Variants in KIRREL3 observed in about 807,000 individuals in gnomAD.
KIRREL3 encodes the protein kirre like nephrin family adhesion molecule 3.
Under a neutral mutation model 89.7 loss-of-function variants are expected in KIRREL3, and 36 were observed. That is an observed-to-expected ratio of 0.40 (90% confidence interval 0.31 to 0.53). The LOEUF (loss-of-function observed/expected upper bound fraction) is 0.53, where lower values mean the gene tolerates loss of function less well. KIRREL3 is among the 20% of genes least tolerant of loss of function. KIRREL3 has a pLI of 0.49. For synonymous variants in KIRREL3, 445 were observed against 441.4 expected (o/e 1.01, Z -0.10); for missense variants, 864 against 1,056.6 (o/e 0.82, Z 2.53).
intron 1 of KIRREL3, among the ~76,000 whole-genome samples, chr11:126,619,471 G>T (rs1943490803): frequency 6.6e-6 from 1 of 152,188 alleles, no homozygotes; most frequent in Admixed American, 6.5e-5. Context: ...GACATAATCT[G>T]ATTCACATTT....
chr11:126,794,143 A>T (rs1950731208), intron 1 of KIRREL3, among the ~76,000 whole-genome samples: 2 of 152,268 alleles, frequency 1.3e-5, no homozygotes, highest in South Asian at 4.1e-4. Flanking sequence ...AAGGAAGTCC[A>T]ACAGAATTCA....
rs912802013 is a variant in KIRREL3 at position 126,508,380 on chromosome 11, G to A, written c.433+12935C>T. On this transcript the variant is annotated intron_variant, in intron 4 of 16. Transcript: ENST00000525144. This position sits in a 1 kb window ranked among gnomAD's most constrained non-coding sequence, Gnocchi z 4.9. ...GTGATGGAGAAAGACGCGGCAGGTG[G>A]CCGCCCAGAGGATGATACTGAATGG... 6.6e-6 allele frequency among the ~76,000 whole-genome samples: 1 copy of A among 152,108 alleles called. No homozygotes were observed. The highest frequency in any genetic ancestry group is 2.4e-5 in the African/African-American group (1 of 41,410).
At chr11:126,779,795 C>T (rs1034029096) in intron 1 of KIRREL3, among the ~76,000 whole-genome samples, 3 of 83,220 alleles carry the variant, frequency 3.6e-5, no homozygotes, top group African/African-American at 1.0e-4. Context: ...CATTATGATG[C>T]CTTCTCCTTT....
chr11:126,471,242 C>A lies in KIRREL3; in HGVS notation c.591+2067G>T, dbSNP rs751839768. Among the ~76,000 whole-genome samples, 1 of 152,026 alleles carries A rather than the reference C, an allele frequency of 6.6e-6. No individual in the cohort carries two copies. The highest frequency in any genetic ancestry group is 1.5e-5 in the Non-Finnish European group (1 of 68,006). ...AAAATTAGCTGGGCATGATGGCACACGCCTGCAATCCCAGCTATTCTGGAG... is the reference window on the plus strand; with the variant it reads ...AAAATTAGCTGGGCATGATGGCACAAGCCTGCAATCCCAGCTATTCTGGAG... On this transcript the variant is annotated intron_variant, in intron 5 of 16. Coordinates refer to ENST00000525144, the MANE Select transcript of KIRREL3 (RefSeq NM_032531.4). The surrounding 1 kb of genome is among the most constrained non-coding windows in gnomAD (Gnocchi z 5.4).
Position 126,969,181 on chromosome 11 carries a change from G to A in KIRREL3, c.55+31274C>T, listed in dbSNP as rs879483235. 2.0e-5 allele frequency among the ~76,000 whole-genome samples: 3 copies of A among 152,080 alleles called. No homozygotes were observed. The highest frequency in any genetic ancestry group is 4.4e-5 in the Non-Finnish European group (3 of 68,006). ...ACTTCTAAACCGCGAAAACAGGCCTGGGGCAAAAGAGTCCGTAGATACCGC... is the reference window on the plus strand; with the variant it reads ...ACTTCTAAACCGCGAAAACAGGCCTAGGGCAAAAGAGTCCGTAGATACCGC... On this transcript the variant is annotated intron_variant, in intron 1 of 16. Coordinates refer to ENST00000525144, the MANE Select transcript of KIRREL3 (RefSeq NM_032531.4). The surrounding 1 kb of genome is among the most constrained non-coding windows in gnomAD (Gnocchi z 4.9).
chr11:126,702,385 G>T (rs1434386422), intron 1 of KIRREL3, among the ~76,000 whole-genome samples: 1 of 152,152 alleles, frequency 6.6e-6, no homozygotes, highest in African/African-American at 2.4e-5. Context: ...GATGATTGTT[G>T]CAAATGTCAC....
intron 4 of KIRREL3, among the ~76,000 whole-genome samples, chr11:126,479,967 C>T (rs1488534863): frequency 6.6e-6 from 1 of 152,160 alleles, no homozygotes; most frequent in Non-Finnish European, 1.5e-5. Flanking sequence ...GGGCTTCTGT[C>T]TATGATCCCA....
chr11:126,929,518 G>A (rs2135044462), intron 1 of KIRREL3, among the ~76,000 whole-genome samples: 1 of 151,734 alleles, frequency 6.6e-6, no homozygotes, highest in Middle Eastern at 3.4e-3. Context: ...AACCTAAGAA[G>A]CAGAAAACAA....
rs1328600796 is a variant in KIRREL3 at position 126,605,604 on chromosome 11, G to A, written c.56-42692C>T. On this transcript the variant is annotated intron_variant, in intron 1 of 16. Coordinates refer to ENST00000525144, the MANE Select transcript of KIRREL3 (RefSeq NM_032531.4). This position sits in a 1 kb window ranked among gnomAD's most constrained non-coding sequence, Gnocchi z 5.7. ...GCACTTCATTTCCCAGAGACAACCG[G>A]CGCGTTTTAATAATGTCTACTTGGG... is the stretch of plus-strand genomic sequence containing the variant. 1.3e-5 allele frequency among the ~76,000 whole-genome samples: 2 copies of A among 152,186 alleles called. No homozygotes were observed. The highest frequency in any genetic ancestry group is 1.9e-4 in the East Asian group (1 of 5,196).
Position 126,527,035 on chromosome 11 carries a change from G to A in KIRREL3, c.134-348C>T, listed in dbSNP as rs1300921945. On this transcript the variant is annotated intron_variant, in intron 2 of 16. Transcript: ENST00000525144. This position sits in a 1 kb window ranked among gnomAD's most constrained non-coding sequence, Gnocchi z 4.2. The stretch of plus-strand genomic sequence containing the variant: ...CTACTTAATGCCATGTGCTGGGCAT[G>A]CAGTCCCACACCAGGGCAGAAACAG... Among the ~76,000 whole-genome samples the A allele has an allele frequency of 6.6e-6, 1 of 152,228 alleles. No homozygotes were observed. Among genetic ancestry groups the A allele is most frequent in the Non-Finnish European group, 1.5e-5 (1 of 68,042 alleles).
At chr11:126,469,511 C>T (rs1160739647) in intron 5 of KIRREL3, among the ~76,000 whole-genome samples, 2 of 152,214 alleles carry the variant, frequency 1.3e-5, no homozygotes, top group African/African-American at 2.4e-5. Flanking sequence ...GCCCCCAGAG[C>T]CTGCTCCATA....
chr11:126,541,113 C>T lies in KIRREL3; in HGVS notation c.134-14426G>A, dbSNP rs1344440679. On this transcript the variant is annotated intron_variant, in intron 2 of 16. Transcript: ENST00000525144. This position sits in a 1 kb window ranked among gnomAD's most constrained non-coding sequence, Gnocchi z 4.8. ...TCTCAGAGGGCGTCAGCGTGGGCAC[C>T]ACCAGGAGAGGCTGGAGGCTAGGTC... Among the ~76,000 whole-genome samples the T allele has an allele frequency of 6.6e-6, 1 of 152,180 alleles. No homozygotes were observed. Among genetic ancestry groups the T allele is most frequent in the Non-Finnish European group, 1.5e-5 (1 of 68,034 alleles).
At chr11:126,618,349 G>T (rs1331169984) in intron 1 of KIRREL3, among the ~76,000 whole-genome samples, 1 of 152,150 alleles carries the variant, frequency 6.6e-6, no homozygotes, top group Non-Finnish European at 1.5e-5. Flanking sequence ...CGCAGAAACC[G>T]CCATGTTTCT....
intron 1 of KIRREL3, among the ~76,000 whole-genome samples, chr11:126,933,818 G>A (rs1948059591): frequency 6.7e-6 from 1 of 148,606 alleles, no homozygotes; most frequent in Admixed American, 6.7e-5. Flanking sequence ...AATTAAAGAA[G>A]TTCTAAATAA....
rs1944964164 is a variant in KIRREL3, at chr11:126,867,495, C to A, written c.55+132960G>T. Among the ~76,000 whole-genome samples, 1 of 152,214 alleles carries A rather than the reference C, an allele frequency of 6.6e-6. No homozygotes were observed. Among genetic ancestry groups the A allele is most frequent in the Non-Finnish European group, 1.5e-5 (1 of 68,030 alleles). Reference sequence around the variant, plus strand: ...ATCTGTTACTCTTTCTGTAACTCAGCCAGCCCTTTCTGATAAGTCACTTCC... The same window carrying A: ...ATCTGTTACTCTTTCTGTAACTCAGACAGCCCTTTCTGATAAGTCACTTCC... On this transcript the variant is annotated intron_variant, in intron 1 of 16. Transcript: ENST00000525144. The surrounding 1 kb of genome is among the most constrained non-coding windows in gnomAD (Gnocchi z 4.7).
At chr11:126,770,326 C>T (rs1565717497) in intron 1 of KIRREL3, among the ~76,000 whole-genome samples, 1 of 152,172 alleles carries the variant, frequency 6.6e-6, no homozygotes, top group Non-Finnish European at 1.5e-5. Flanking sequence ...CAAAAGTCTT[C>T]TGGTTGGTCC....
At chr11:126,721,486 G>A (rs1478540148) in intron 1 of KIRREL3, among the ~76,000 whole-genome samples, 3 of 147,492 alleles carry the variant, frequency 2.0e-5, no homozygotes, top group Admixed American at 7.0e-5. Flanking sequence ...GCTGAGATGC[G>A]CCTTTGCACT....
In KIRREL3 at chr11:126,983,124, G is replaced by A. The variant is rs1486900031; in HGVS notation, c.55+17331C>T. On this transcript the variant is annotated intron_variant, in intron 1 of 16. Coordinates refer to ENST00000525144, the MANE Select transcript of KIRREL3 (RefSeq NM_032531.4). This position sits in a 1 kb window ranked among gnomAD's most constrained non-coding sequence, Gnocchi z 4.9. ...CACCTATTATTTGATAATCCCCATA[G>A]ATATACATGGGGAAGGTCATTTTTT... Among the ~76,000 whole-genome samples, 2 of 152,154 alleles carry A rather than the reference G, an allele frequency of 1.3e-5. No individual in the cohort carries two copies. The highest frequency in any genetic ancestry group is 2.9e-5 in the Non-Finnish European group (2 of 68,034).
At chr11:126,835,901 T>C in intron 1 of KIRREL3, among the ~76,000 whole-genome samples, 1 of 152,168 alleles carries the variant, frequency 6.6e-6, no homozygotes, top group East Asian at 1.9e-4. Flanking sequence ...GGGCAATCAA[T>C]CAATCAAGCT....
Sources: gnomAD v4.1 joint callset for allele counts (sites outside exome capture counted in the v4.1 genomes callset) on GRCh38, gnomAD v4.1.1 for gene constraint, Gnocchi (gnomAD v3.1) non-coding constraint, MANE v1.5 for transcripts, NCBI Gene and HGNC (gene_info 2026-07-23, HGNC 2026-07-21) for gene names.